The following KDM4C variants were observed in gnomAD, a reference collection of about 807,000 sequenced individuals.
KDM4C encodes the protein lysine-specific demethylase 4C.
Under a neutral mutation model 129.3 loss-of-function variants are expected in KDM4C, and 81 were observed. The ratio of observed to expected loss-of-function variants is 0.63; its 90% CI spans 0.52 to 0.75. KDM4C has a LOEUF of 0.75. KDM4C is among the 30% of genes least tolerant of loss of function. KDM4C has a pLI of 0.00. For synonymous variants in KDM4C, 573 were observed against 456.1 expected, an observed-to-expected ratio of 1.26 and a Z score of -3.26; for missense variants, 1,457 against 1,304.0, an observed-to-expected ratio of 1.12 and a Z score of -1.81.
At chr9:7,164,334 T>TC (rs1844129034) in intron 19 of KDM4C, among the ~76,000 whole-genome samples, 3 of 142,246 alleles carry the variant, frequency 2.1e-5, no homozygotes, top group South Asian at 4.6e-4. Flanking sequence ...AACTTCCCTG[T>TC]CCCCCTGCCA....
intron 8 of KDM4C, among the ~76,000 whole-genome samples, chr9:6,932,396 T>G (rs1823916727): frequency 6.6e-6 from 1 of 152,192 alleles, no homozygotes; most frequent in Admixed American, 6.5e-5. Flanking sequence ...CTGTAATCCA[T>G]AAGCTTAGTA....
At chr9:6,771,821 T>C (rs2130628878) in intron 1 of KDM4C, among the ~76,000 whole-genome samples, 1 of 151,390 alleles carries the variant, frequency 6.6e-6, no homozygotes, top group East Asian at 2.0e-4. Context: ...CTGCCCAGGC[T>C]GAGTGCTGGA....
chr9:6,980,684 G>C (rs755244048), intron 8 of KDM4C, among the ~76,000 whole-genome samples: 12 of 152,056 alleles, frequency 7.9e-5, no homozygotes, highest in Non-Finnish European at 1.5e-4. Context: ...GTTTTTCTTA[G>C]TACATAGTTC....
intron 17 of KDM4C, 105 bp from the exon 18 acceptor site, chr9:7,103,580 G>GTTT (rs376435173): frequency 5.4e-4 from 336 of 624,968 alleles, no homozygotes; most frequent in Middle Eastern, 1.4e-3. Context: ...GTAATCAGTT[G>GTTT]TTTTTTTTTT....
intron 1 of KDM4C, among the ~76,000 whole-genome samples, chr9:6,750,563 T>C (rs1005654868): frequency 3.9e-5 from 6 of 152,048 alleles, no homozygotes; most frequent in Non-Finnish European, 2.9e-5. Context: ...AAGCACATCA[T>C]AGGTTTCCAA....
chr9:6,930,609 CAT>C (rs972540327), intron 8 of KDM4C, among the ~76,000 whole-genome samples: 13 of 135,014 alleles, frequency 9.6e-5, no homozygotes, highest in Admixed American at 6.6e-4. Flanking sequence ...TATAATAAAA[CAT>C]GTTATAATAT....
chr9:7,071,143 CG>C, intron 17 of KDM4C, among the ~76,000 whole-genome samples: 1 of 152,068 alleles, frequency 6.6e-6, no homozygotes. Context: ...AACTATAAAA[CG>C]CTAATAAAGG....
intron 15 of KDM4C, among the ~76,000 whole-genome samples, chr9:7,040,142 A>T (rs1480167230): frequency 6.6e-6 from 1 of 152,120 alleles, no homozygotes; most frequent in Admixed American, 6.6e-5. Context: ...GAACAGTGTA[A>T]GACTCTTAAA....
intron 8 of KDM4C, among the ~76,000 whole-genome samples, chr9:6,957,637 A>G (rs1829304821): frequency 6.6e-6 from 1 of 151,792 alleles, no homozygotes; most frequent in Non-Finnish European, 1.5e-5. Flanking sequence ...TGTGACTGAT[A>G]TTTTCTATTG....
At chr9:7,028,000 G>T (rs912767940) in intron 15 of KDM4C, among the ~76,000 whole-genome samples, 2 of 152,094 alleles carry the variant, frequency 1.3e-5, no homozygotes, top group Non-Finnish European at 2.9e-5. Flanking sequence ...TGGGCTCCCC[G>T]CTGGCCCAGA....
At chr9:7,101,792 A>G (rs570855686) in intron 17 of KDM4C, among the ~76,000 whole-genome samples, 1 of 152,086 alleles carries the variant, frequency 6.6e-6, no homozygotes, top group South Asian at 2.1e-4. Flanking sequence ...TTAAGAAAAT[A>G]AGACATAATT....
intron 8 of KDM4C, among the ~76,000 whole-genome samples, chr9:6,917,035 T>TTTG (rs761771439): frequency 1.3e-5 from 2 of 152,188 alleles, no homozygotes; most frequent in African/African-American, 4.8e-5. Context: ...TTCTGTTTTT[T>TTTG]TTGTTGTTGT....
At chr9:7,125,115 C>A (rs1001604403) in intron 18 of KDM4C, among the ~76,000 whole-genome samples, 1 of 152,112 alleles carries the variant, frequency 6.6e-6, no homozygotes, top group Admixed American at 6.6e-5. Flanking sequence ...ACTGTTCTCC[C>A]CCACCCCCAG....
chr9:6,909,284 T>G (rs1224688209), intron 8 of KDM4C, among the ~76,000 whole-genome samples: 1 of 152,148 alleles, frequency 6.6e-6, no homozygotes, highest in East Asian at 1.9e-4. Flanking sequence ...AGAGAACAGA[T>G]GTAGTTAGGC....
In KDM4C at chr9:7,066,433, G is replaced by A. The variant is rs549315660; in HGVS notation, c.2424+17233G>A. ...CCTTTTTCTCAGGTATTTCTTTACA[G>A]AGATATAATAAGCATTTCTGTTTCC... On this transcript the variant is annotated intron_variant, in intron 17 of 21. Transcript: ENST00000381309. 6.6e-5 allele frequency among the ~76,000 whole-genome samples: 10 copies of A among 152,316 alleles called. No individual in the cohort carries two copies. The East Asian group carries it at 1.9e-3, about 29-fold the overall frequency.
intron 17 of KDM4C, among the ~76,000 whole-genome samples, chr9:7,058,224 G>T (rs551712648): frequency 6.6e-6 from 1 of 152,086 alleles, no homozygotes; most frequent in Admixed American, 6.5e-5. Context: ...ATAAATCACT[G>T]TTTGGAACAG....
intron 8 of KDM4C, among the ~76,000 whole-genome samples, chr9:6,951,268 T>C (rs940595713): frequency 1.4e-4 from 21 of 152,226 alleles, no homozygotes; most frequent in African/African-American, 4.8e-4. Context: ...CTAGAACTTA[T>C]TGCTTCTATC....
At chr9:7,097,147 T>A (rs1836534196) in intron 17 of KDM4C, among the ~76,000 whole-genome samples, 1 of 152,206 alleles carries the variant, frequency 6.6e-6, no homozygotes, top group African/African-American at 2.4e-5. Flanking sequence ...TACTTCTTCT[T>A]AGTGGCTTTC....
intron 18 of KDM4C, among the ~76,000 whole-genome samples, chr9:7,124,244 C>T (rs553004709): frequency 1.3e-5 from 2 of 152,198 alleles, no homozygotes; most frequent in Non-Finnish European, 2.9e-5. Context: ...ATTCAACTTC[C>T]AATTTTAACA....
Sources: allele counts gnomAD v4.1 joint callset (sites outside exome capture counted in the v4.1 genomes callset), GRCh38; gene constraint gnomAD v4.1.1; transcripts MANE v1.5; gene names NCBI Gene and HGNC (gene_info 2026-07-23, HGNC 2026-07-21).